CRPPA: variants seen among roughly 807,000 people sequenced by gnomAD.
The protein encoded by CRPPA is CDP-L-ribitol pyrophosphorylase A.
In CRPPA, 43 loss-of-function variants were observed where a neutral mutation model predicts 52.0. The observed-to-expected ratio is 0.83, with a 90% CI of 0.65 to 1.07. The LOEUF is 1.07. CRPPA is among the 50% of genes least tolerant of loss of function. The pLI, the probability that CRPPA is intolerant of heterozygous loss-of-function variation, is 0.00. For missense variants in CRPPA, 629 were observed against 551.7 expected (o/e 1.14, Z -1.40); for synonymous variants, 250 against 203.5 (o/e 1.23, Z -1.94).
rs1435795109 is a variant in CRPPA at position 16,088,363 on chromosome 7, T to C, written c.*3332A>G. 1 of 151,352 alleles carries C rather than the reference T, an allele frequency of 6.6e-6. No individual in the cohort carries two copies. Among genetic ancestry groups the C allele is most frequent in the Non-Finnish European group, 1.5e-5 (1 of 67,904 alleles). 9.4% of individuals were successfully genotyped at this position (151,352 alleles called of 1,614,324 possible). On this transcript the variant is annotated 3_prime_UTR_variant, in exon 10 of 10. Coordinates refer to ENST00000407010, the MANE Select transcript of CRPPA (RefSeq NM_001101426.4). ...TAGACAGCTTTTACTAAAGTAAATT[T>C]ACAGAAGCAGTGATGAAAATGTAAC...
At chr7:16,138,285 T>C (rs117706742) in intron 9 of CRPPA, among the ~76,000 whole-genome samples, 6 of 152,278 alleles carry the variant, frequency 3.9e-5, no homozygotes, top group Non-Finnish European at 8.8e-5. Flanking sequence ...TTATCTACAA[T>C]GCCTCAAGAA....
chr7:16,302,137 A>C (rs1784800685), intron 4 of CRPPA, among the ~76,000 whole-genome samples: 1 of 152,060 alleles, frequency 6.6e-6, no homozygotes, highest in Non-Finnish European at 1.5e-5. Flanking sequence ...TCTACTAAAA[A>C]TACAAAAAAT....
At position 16,210,156 on chromosome 7, in the gene CRPPA, G is replaced by C. The variant is rs571642681; in HGVS notation, c.1251+5910C>G. 3.9e-5 allele frequency among the ~76,000 whole-genome samples: 6 copies of C among 152,220 alleles called. No individual in the cohort carries two copies. In the South Asian group the frequency reaches 1.2e-3, roughly 32 times the overall value. On this transcript the variant is annotated intron_variant, in intron 9 of 9. Transcript: ENST00000407010. ...AAAAAGCATATACATATATACATGT[G>C]TGTATGGATAGATACATGTATATAA... is the stretch of plus-strand genomic sequence containing the variant.
rs1275087247 is a variant in CRPPA at position 16,254,722 on chromosome 7, G to C, written c.1119+3668C>G. Among the ~76,000 whole-genome samples the C allele has an allele frequency of 1.4e-5, 2 of 145,424 alleles. 1 individual carries two copies. The highest frequency in any genetic ancestry group is 3.0e-5 in the Non-Finnish European group (2 of 67,056). On this transcript the variant is annotated intron_variant, in intron 8 of 9. Transcript: ENST00000407010. ...CTGCACATTGTGCACAGGTACCCTA[G>C]ATCTTAAAGTATAAGAAAGAAAGAC...
Position 16,091,719 on chromosome 7 carries a change from G to T in CRPPA, c.1332C>A (p.Leu444=), listed in dbSNP as rs963551409. 7 of 1,557,590 alleles carry T rather than the reference G, an allele frequency of 4.5e-6. No homozygotes were observed. Among genetic ancestry groups the T allele is most frequent in the Non-Finnish European group, 6.1e-6 (7 of 1,148,850 alleles). The change falls in exon 10 of 10, where the codon CTC becomes CTA. Residue 444 remains leucine, a synonymous_variant. Transcript: ENST00000407010. ...ASLIKERNSG[L]IGQLLIA ...TTCATGCTATCAGAAGCTGACCAATGAGTCCAGAATTTCTTTCCTTGATTA... is the reference window on the plus strand; with the variant it reads ...TTCATGCTATCAGAAGCTGACCAATTAGTCCAGAATTTCTTTCCTTGATTA...
chr7:16,259,194 G>A (rs1288031458), intron 6 of CRPPA, among the ~76,000 whole-genome samples, 182 bp from the exon 7 acceptor site: 1 of 147,942 alleles, frequency 6.8e-6, no homozygotes, highest in Non-Finnish European at 1.5e-5. Context: ...ACTAGGCTAT[G>A]AATAATGCAT....
intron 4 of CRPPA, among the ~76,000 whole-genome samples, chr7:16,305,041 G>C (rs1784878968): frequency 6.6e-6 from 1 of 151,914 alleles, no homozygotes; most frequent in Non-Finnish European, 1.5e-5. Flanking sequence ...TGTAGAATTA[G>C]GACACTAATT....
At chr7:16,243,360 G>A (rs1210966173) in intron 8 of CRPPA, among the ~76,000 whole-genome samples, 1 of 152,116 alleles carries the variant, frequency 6.6e-6, no homozygotes, top group Non-Finnish European at 1.5e-5. Flanking sequence ...TTATAGCAGT[G>A]TGAAAACAGA....
intron 4 of CRPPA, among the ~76,000 whole-genome samples, chr7:16,304,726 T>C (rs1428006974): frequency 6.6e-6 from 1 of 152,186 alleles, no homozygotes; most frequent in African/African-American, 2.4e-5. Context: ...CTACTGAAAT[T>C]CTAGTACTAC....
chr7:16,113,771 T>C (rs1245336285), intron 9 of CRPPA, among the ~76,000 whole-genome samples: 8 of 151,876 alleles, frequency 5.3e-5, no homozygotes. Context: ...AAATACTGCC[T>C]CCTTCAAATA....
At chr7:16,278,649 A>G (rs906323276) in intron 5 of CRPPA, among the ~76,000 whole-genome samples, 1 of 152,224 alleles carries the variant, frequency 6.6e-6, no homozygotes, top group Non-Finnish European at 1.5e-5. Context: ...TCAATGTGCC[A>G]TCCAGTGCCT....
chr7:16,370,853 C>A (rs1583554807), intron 3 of CRPPA, among the ~76,000 whole-genome samples: 1 of 152,184 alleles, frequency 6.6e-6, no homozygotes, highest in African/African-American at 2.4e-5. Flanking sequence ...TGTGAGTGCA[C>A]CTACCAACAG....
intron 3 of CRPPA, among the ~76,000 whole-genome samples, chr7:16,329,016 T>C (rs1051103525): frequency 5.9e-5 from 9 of 152,192 alleles, no homozygotes; most frequent in African/African-American, 2.2e-4. Flanking sequence ...ACAAGTAACA[T>C]ACTATAAGTC....
intron 9 of CRPPA, among the ~76,000 whole-genome samples, chr7:16,176,398 T>G (rs924685272): frequency 2.0e-5 from 3 of 152,054 alleles, no homozygotes; most frequent in Non-Finnish European, 2.9e-5. Flanking sequence ...GCTACATAGA[T>G]AGCAAACAAG....
chr7:16,334,290 C>T (rs1378292314), intron 3 of CRPPA, among the ~76,000 whole-genome samples: 2 of 152,148 alleles, frequency 1.3e-5, no homozygotes, highest in African/African-American at 2.4e-5. Flanking sequence ...CTTGGGCCCA[C>T]CTAATCCTAG....
chr7:16,320,764 A>G (rs1179845681), intron 3 of CRPPA, among the ~76,000 whole-genome samples: 2 of 152,124 alleles, frequency 1.3e-5, no homozygotes, highest in East Asian at 3.9e-4. Context: ...AAACTTAAGC[A>G]TTTTGCATAT....
chr7:16,197,360 A>C (rs1421676110), intron 9 of CRPPA, among the ~76,000 whole-genome samples: 3 of 152,162 alleles, frequency 2.0e-5, no homozygotes, highest in Non-Finnish European at 4.4e-5. Context: ...TTTTTGAGTC[A>C]GGGTCTCTTC....
intron 3 of CRPPA, among the ~76,000 whole-genome samples, chr7:16,367,211 A>G (rs1341120069): frequency 6.6e-6 from 1 of 151,958 alleles, no homozygotes; most frequent in Non-Finnish European, 1.5e-5. Flanking sequence ...TCTTTCTACT[A>G]TACCCCTTGC....
At chr7:16,110,500 C>T (rs1782238966) in intron 9 of CRPPA, among the ~76,000 whole-genome samples, 1 of 151,984 alleles carries the variant, frequency 6.6e-6, no homozygotes. Flanking sequence ...CTGAAGGCAT[C>T]ACAATACCTG....
Sources: allele counts gnomAD v4.1 joint callset (sites outside exome capture counted in the v4.1 genomes callset), GRCh38; gene constraint gnomAD v4.1.1; transcripts MANE v1.5; gene names NCBI Gene and HGNC (gene_info 2026-07-23, HGNC 2026-07-21).